The following MACROD2 variants were observed in gnomAD, a reference collection of about 807,000 sequenced individuals.
The protein encoded by MACROD2 is mono-ADP ribosylhydrolase 2.
In MACROD2, 36 loss-of-function variants were observed where a neutral mutation model predicts 70.4. That is an observed-to-expected ratio of 0.51 (90% confidence interval 0.39 to 0.68). The LOEUF is 0.68. Among genes scored for constraint, MACROD2 ranks in the 30% least tolerant of loss-of-function variants. MACROD2 has a pLI of 0.00. For missense variants in MACROD2, 496 were observed against 538.4 expected, an observed-to-expected ratio of 0.92 and a Z score of 0.78; for synonymous variants, 172 against 178.8, an observed-to-expected ratio of 0.96 and a Z score of 0.30.
chr20:14,678,708 A>G (rs2123579654), intron 4 of MACROD2, among the ~76,000 whole-genome samples: 1 of 152,238 alleles, frequency 6.6e-6, no homozygotes, highest in South Asian at 2.1e-4. Flanking sequence ...ACATCTTGCC[A>G]CTATTCAGCC....
chr20:15,607,529 G>C (rs1487463503), intron 8 of MACROD2, among the ~76,000 whole-genome samples: 1 of 151,998 alleles, frequency 6.6e-6, no homozygotes, highest in African/African-American at 2.4e-5. Flanking sequence ...AGAGATGTTT[G>C]TTTGTTTATT....
intron 6 of MACROD2, among the ~76,000 whole-genome samples, chr20:15,233,579 C>T (rs1292355141): frequency 6.6e-6 from 1 of 151,948 alleles, no homozygotes; most frequent in Non-Finnish European, 1.5e-5. Context: ...ATTTTATTAA[C>T]TTAGGGGAAA....
At chr20:14,423,029 G>T (rs1364066501) in intron 3 of MACROD2, among the ~76,000 whole-genome samples, 1 of 152,178 alleles carries the variant, frequency 6.6e-6, no homozygotes, top group African/African-American at 2.4e-5. Flanking sequence ...ATGAAACAAA[G>T]ATGAGTACCT....
At chr20:14,872,242 A>G (rs1014411247) in intron 5 of MACROD2, among the ~76,000 whole-genome samples, 9 of 152,136 alleles carry the variant, frequency 5.9e-5, no homozygotes, top group Non-Finnish European at 8.8e-5. Flanking sequence ...GAGCATTGAC[A>G]CTAGTTGGCA....
chr20:15,848,615 G>A (rs563888515), intron 8 of MACROD2, among the ~76,000 whole-genome samples: 1 of 152,254 alleles, frequency 6.6e-6, no homozygotes, highest in East Asian at 1.9e-4. Context: ...AAGACCACTG[G>A]AAGTTGTGAG....
At chr20:15,621,811 C>G (rs555028819) in intron 8 of MACROD2, among the ~76,000 whole-genome samples, 1 of 152,194 alleles carries the variant, frequency 6.6e-6, no homozygotes, top group Admixed American at 6.5e-5. Context: ...CACCAAGCCA[C>G]GCAGAATGTA....
At chr20:15,575,421 T>C (rs1029432586) in intron 8 of MACROD2, among the ~76,000 whole-genome samples, 1 of 152,140 alleles carries the variant, frequency 6.6e-6, no homozygotes, top group African/African-American at 2.4e-5. Flanking sequence ...ATGAATACCA[T>C]GCATAAATGA....
chr20:15,784,556 C>A (rs1246348175), intron 8 of MACROD2, among the ~76,000 whole-genome samples: 1 of 152,126 alleles, frequency 6.6e-6, no homozygotes, highest in Non-Finnish European at 1.5e-5. Context: ...TATTTTTAAA[C>A]TGACTTCTAC....
intron 3 of MACROD2, among the ~76,000 whole-genome samples, chr20:14,254,721 T>C (rs1322138616): frequency 6.6e-6 from 1 of 152,198 alleles, no homozygotes; most frequent in Non-Finnish European, 1.5e-5. Flanking sequence ...CCCTCTTTTC[T>C]AAAAATGGAA....
At chr20:14,537,054 C>T (rs1461059031) in intron 4 of MACROD2, among the ~76,000 whole-genome samples, 1 of 152,184 alleles carries the variant, frequency 6.6e-6, no homozygotes, top group Non-Finnish European at 1.5e-5. Flanking sequence ...GCTCTCCCTA[C>T]TCCCTCCAAC....
chr20:14,577,307 A>G lies in MACROD2; in HGVS notation c.301+83799A>G, dbSNP rs371818358. ...TTCATAATATGCTCAACCTTGAGAA[A>G]AACCCTGTTTAATATCTAAACATAC... On this transcript the variant is annotated intron_variant, in intron 4 of 17. Transcript: ENST00000684519. 3.3e-5 allele frequency among the ~76,000 whole-genome samples: 5 copies of G among 152,350 alleles called. No homozygotes were observed. The East Asian group carries it at 9.6e-4, about 29-fold the overall frequency.
intron 6 of MACROD2, among the ~76,000 whole-genome samples, chr20:15,244,447 AC>A (rs1451124743): frequency 6.6e-6 from 1 of 152,200 alleles, no homozygotes; most frequent in Non-Finnish European, 1.5e-5. Flanking sequence ...CAGCAGGGAT[AC>A]CAGGGGAAGG....
intron 8 of MACROD2, among the ~76,000 whole-genome samples, chr20:15,741,028 C>A (rs1388276132): frequency 2.0e-5 from 3 of 151,898 alleles, no homozygotes; most frequent in Non-Finnish European, 2.9e-5. Context: ...ATGGATCACA[C>A]CTCACTCAAA....
chr20:14,056,742 A>C (rs1461053836), intron 2 of MACROD2, among the ~76,000 whole-genome samples: 2 of 152,048 alleles, frequency 1.3e-5, no homozygotes, highest in Non-Finnish European at 2.9e-5. Context: ...GATACATATA[A>C]GATCAGTATT....
At chr20:15,452,821 T>C (rs1407859416) in intron 7 of MACROD2, among the ~76,000 whole-genome samples, 1 of 152,136 alleles carries the variant, frequency 6.6e-6, no homozygotes, top group South Asian at 2.1e-4. Flanking sequence ...AGTTTTTCCA[T>C]TTCACCTCTC....
chr20:14,924,272 C>T (rs1355153428), intron 5 of MACROD2, among the ~76,000 whole-genome samples: 2 of 151,786 alleles, frequency 1.3e-5, no homozygotes, highest in African/African-American at 4.8e-5. Context: ...AACATTGTCT[C>T]TACTAAAAAT....
chr20:15,287,257 A>G (rs2077500361), intron 6 of MACROD2, among the ~76,000 whole-genome samples: 1 of 152,224 alleles, frequency 6.6e-6, no homozygotes, highest in South Asian at 2.1e-4. Context: ...CTCAATAAAT[A>G]TTGTATACAT....
chr20:15,090,331 G>A (rs1266786664), intron 5 of MACROD2, among the ~76,000 whole-genome samples: 2 of 151,878 alleles, frequency 1.3e-5, no homozygotes, highest in Non-Finnish European at 2.9e-5. Context: ...TTCTTCCATG[G>A]CACTACACTC....
chr20:14,011,314 CA>C (rs1269771412), intron 2 of MACROD2, among the ~76,000 whole-genome samples: 2 of 152,118 alleles, frequency 1.3e-5, no homozygotes, highest in Non-Finnish European at 2.9e-5. Context: ...CTTTTTCCTT[CA>C]AGGTTTGGAG....
Sources: allele counts gnomAD v4.1 joint callset (sites outside exome capture counted in the v4.1 genomes callset), GRCh38; gene constraint gnomAD v4.1.1; transcripts MANE v1.5; gene names NCBI Gene and HGNC (gene_info 2026-07-23, HGNC 2026-07-21).